RAB38: variants seen among roughly 807,000 people sequenced by gnomAD.
The protein encoded by RAB38 is ras-related protein Rab-38.
RAB38 carries 15 observed loss-of-function variants against 18.4 expected under a neutral mutation model. That is an observed-to-expected ratio of 0.82 (90% CI 0.55 to 1.26). The LOEUF is 1.26. Ranked by LOEUF, RAB38 falls within the 50% of genes most tolerant of loss-of-function variation. RAB38 has a pLI of 0.00. For missense variants in RAB38, 294 were observed against 267.4 expected (o/e 1.10, Z -0.69); for synonymous variants, 101 against 104.4 (o/e 0.97, Z 0.20).
At chr11:87,935,855 AATTG>A in the RAB38 span, among the ~76,000 whole-genome samples, 1 of 152,106 alleles carries the variant, frequency 6.6e-6, no homozygotes, top group Non-Finnish European at 1.5e-5. Context: ...CTCCACTTAG[AATTG>A]ATTTTTATTC....
downstream of RAB38, among the ~76,000 whole-genome samples, chr11:88,110,709 C>T (rs1325142400): frequency 1.3e-5 from 2 of 149,606 alleles, no homozygotes; most frequent in Non-Finnish European, 3.0e-5. Context: ...CATAGCTACT[C>T]GGGAGGCTGA....
At chr11:87,839,289 T>C in the RAB38 span, among the ~76,000 whole-genome samples, 18 of 152,212 alleles carry the variant, frequency 1.2e-4, no homozygotes, top group African/African-American at 4.3e-4. Context: ...TACATTGCTT[T>C]GAAGTTGAAA....
chr11:87,829,978 C>T, the RAB38 span, among the ~76,000 whole-genome samples: 1 of 152,074 alleles, frequency 6.6e-6, no homozygotes, highest in African/African-American at 2.4e-5. Flanking sequence ...GTCTTTGCTT[C>T]CCAAATTATT....
At chr11:88,080,356 A>C in the RAB38 span, among the ~76,000 whole-genome samples, 2 of 151,954 alleles carry the variant, frequency 1.3e-5, no homozygotes, top group African/African-American at 2.4e-5. Context: ...GCTCTAAACT[A>C]CTACATGAAG....
chr11:87,954,823 A>T, the RAB38 span, among the ~76,000 whole-genome samples: 1 of 151,756 alleles, frequency 6.6e-6, no homozygotes, highest in African/African-American at 2.4e-5. Flanking sequence ...TTATCTCATT[A>T]AAGACTCACC....
chr11:88,032,591 G>T, the RAB38 span, among the ~76,000 whole-genome samples: 2 of 152,212 alleles, frequency 1.3e-5, no homozygotes, highest in Non-Finnish European at 2.9e-5. Flanking sequence ...TTTCTCAGAA[G>T]AAGACATTTA....
the RAB38 span, among the ~76,000 whole-genome samples, chr11:88,057,361 A>T: frequency 1.3e-5 from 2 of 152,154 alleles, no homozygotes; most frequent in South Asian, 4.1e-4. Context: ...AGCATGGTTG[A>T]AGACAAGCAG....
At chr11:88,053,178 TATATATATACACACATATATATGGA>T in the RAB38 span, among the ~76,000 whole-genome samples, 1 of 113,602 alleles carries the variant, frequency 8.8e-6, no homozygotes, top group Non-Finnish European at 1.7e-5. Context: ...ATATATGGAA[TATATATATACACACATATATATGGA>T]ATATATATAT....
the RAB38 span, among the ~76,000 whole-genome samples, chr11:87,951,712 G>C: frequency 6.6e-6 from 1 of 152,094 alleles, no homozygotes; most frequent in Non-Finnish European, 1.5e-5. Flanking sequence ...CAGAACAGCG[G>C]ATATTGGTGA....
chr11:87,811,639 T>G, the RAB38 span, among the ~76,000 whole-genome samples: 1 of 152,276 alleles, frequency 6.6e-6, no homozygotes, highest in East Asian at 1.9e-4. Flanking sequence ...GAACATTTAT[T>G]TTTCCTCTTT....
chr11:88,056,018 C>CGTGTGT, the RAB38 span, among the ~76,000 whole-genome samples: 6 of 149,862 alleles, frequency 4.0e-5, no homozygotes, highest in African/African-American at 1.2e-4. Flanking sequence ...TTTTTTCTTT[C>CGTGTGT]GTGTGTGTGT....
the RAB38 span, among the ~76,000 whole-genome samples, chr11:88,031,050 C>T: frequency 2.0e-5 from 3 of 150,610 alleles, no homozygotes; most frequent in Non-Finnish European, 4.4e-5. Context: ...GGGCTTCATC[C>T]CTGGGATGCA....
At chr11:87,871,765 G>C in the RAB38 span, among the ~76,000 whole-genome samples, 1 of 151,466 alleles carries the variant, frequency 6.6e-6, no homozygotes, top group Non-Finnish European at 1.5e-5. Context: ...ATTTATATAA[G>C]TAGAAGCATA....
intron 2 of RAB38, 42 bp downstream of exon 2, chr11:88,149,633 G>C: frequency 6.4e-7 from 1 of 1,556,064 alleles, no homozygotes; most frequent in Non-Finnish European, 8.7e-7. Context: ...TTTTCTTTGT[G>C]AACCTTGCTT....
the RAB38 span, among the ~76,000 whole-genome samples, chr11:88,099,606 T>G: frequency 6.6e-6 from 1 of 151,892 alleles, no homozygotes. Context: ...TGTGGTCATG[T>G]GCACACCTCC....
At chr11:87,917,541 T>G in the RAB38 span, among the ~76,000 whole-genome samples, 10 of 151,214 alleles carry the variant, frequency 6.6e-5, no homozygotes, top group Non-Finnish European at 8.9e-5. Context: ...TTTTTTTTTT[T>G]TTTTTTTTTT....
the RAB38 span, among the ~76,000 whole-genome samples, chr11:87,976,173 G>C: frequency 2.1e-5 from 3 of 145,024 alleles, no homozygotes; most frequent in African/African-American, 7.5e-5. Flanking sequence ...TATGTATATA[G>C]GTATATATAG....
the RAB38 span, among the ~76,000 whole-genome samples, chr11:87,912,294 G>A: frequency 1.3e-5 from 2 of 151,760 alleles, no homozygotes; most frequent in Non-Finnish European, 2.9e-5. Flanking sequence ...TTTTCTCTTT[G>A]TTTAGTAGAA....
At chr11:88,094,336 T>C in the RAB38 span, among the ~76,000 whole-genome samples, 1 of 151,944 alleles carries the variant, frequency 6.6e-6, no homozygotes, top group Non-Finnish European at 1.5e-5. Flanking sequence ...CTAGTTTCAA[T>C]AGGCACATGG....
Sources: gnomAD v4.1 joint callset for allele counts (sites outside exome capture counted in the v4.1 genomes callset) on GRCh38, gnomAD v4.1.1 for gene constraint, MANE v1.5 for transcripts, NCBI Gene and HGNC (gene_info 2026-07-23, HGNC 2026-07-21) for gene names.